Variants in LPAR1 observed in about 807,000 individuals in gnomAD.
LPAR1 encodes the protein lysophosphatidic acid receptor 1, also known as LPA receptor 1.
Under a neutral mutation model 23.8 loss-of-function variants are expected in LPAR1, and 5 were observed. The observed-to-expected ratio is 0.21, with a 90% confidence interval of 0.11 to 0.44. LPAR1 has a LOEUF of 0.44. LPAR1 is among the 20% of genes least tolerant of loss of function. The pLI, the probability that LPAR1 is intolerant of heterozygous loss-of-function variation, is 0.99. For synonymous variants in LPAR1, 160 were observed against 164.7 expected (o/e 0.97, Z 0.22); for missense variants, 311 against 482.8 (o/e 0.64, Z 3.33).
At chr9:110,879,573 T>C (rs1367230092) in intron 5 of LPAR1, among the ~76,000 whole-genome samples, 2 of 152,160 alleles carry the variant, frequency 1.3e-5, no homozygotes, top group Admixed American at 1.3e-4. Flanking sequence ...TTCTCAACCC[T>C]AGCCACACAT....
chr9:110,927,209 T>A (rs1180565867), intron 5 of LPAR1, among the ~76,000 whole-genome samples: 1 of 149,872 alleles, frequency 6.7e-6, no homozygotes, highest in Non-Finnish European at 1.5e-5. Context: ...CTACACTACA[T>A]CACATTTTTT....
At position 110,941,683 on chromosome 9, in the gene LPAR1, A is replaced by G. The variant is rs1041793377; in HGVS notation, c.531T>C (p.Val177=). 5 of 1,614,082 alleles carry G rather than the reference A, an allele frequency of 3.1e-6. No homozygotes were observed. In the African/African-American group the frequency reaches 5.3e-5, roughly 17 times the overall value. ...AGCCCACACTGGGTATAGCACCCAT[A>G]ACGATGGCCATAGTCCAGATGACCA... is the stretch of plus-strand genomic sequence containing the variant. The part of the protein sequence containing the change: ...VIVVIWTMAI[V]MGAIPSVGWN... Residue 177 remains valine, a synonymous_variant, in exon 5 of 6, where the codon GTT becomes GTC. Transcript: ENST00000683809. The surrounding 1 kb of genome is among the most constrained non-coding windows in gnomAD (Gnocchi z 6.1).
chr9:110,888,742 C>T (rs1458937614), intron 5 of LPAR1, among the ~76,000 whole-genome samples: 2 of 152,066 alleles, frequency 1.3e-5, no homozygotes, highest in Non-Finnish European at 2.9e-5. Flanking sequence ...GTAAATCAGA[C>T]AAGAGATAAT....
intron 5 of LPAR1, among the ~76,000 whole-genome samples, chr9:110,884,701 C>T (rs577837552): frequency 1.5e-3 from 227 of 152,314 alleles, no homozygotes; most frequent in African/African-American, 5.4e-3. Context: ...CTTGGCTTTG[C>T]TCATAATTCT....
At chr9:110,892,115 C>A (rs2084384175) in intron 5 of LPAR1, among the ~76,000 whole-genome samples, 1 of 152,168 alleles carries the variant, frequency 6.6e-6, no homozygotes, top group African/African-American at 2.4e-5. Flanking sequence ...TTGTAATAGT[C>A]AGTAACTAGA....
intron 4 of LPAR1, 66 bp downstream of exon 4, chr9:110,972,006 GA>G (rs1554717039): frequency 7.3e-7 from 1 of 1,368,524 alleles, no homozygotes; most frequent in Non-Finnish European, 1.0e-6. Flanking sequence ...TACACTTCCT[GA>G]AACCCAGTTT....
At chr9:110,895,942 C>A (rs2086188013) in intron 5 of LPAR1, among the ~76,000 whole-genome samples, 1 of 152,150 alleles carries the variant, frequency 6.6e-6, no homozygotes, top group African/African-American at 2.4e-5. Flanking sequence ...GCTTCTCATG[C>A]CATTTACCCA....
intron 5 of LPAR1, among the ~76,000 whole-genome samples, chr9:110,885,664 T>C (rs149985273): frequency 1.3e-5 from 2 of 152,316 alleles, no homozygotes; most frequent in East Asian, 1.9e-4. Flanking sequence ...AATCAAACAA[T>C]ACAGTCTAAA....
intron 5 of LPAR1, among the ~76,000 whole-genome samples, chr9:110,915,278 T>C (rs1854055): frequency 0.34 from 51,250 of 152,120 alleles, 9,733 homozygotes; most frequent in Non-Finnish European, 0.43. Context: ...GGCTCATGCC[T>C]GTAATCCCAG....
At chr9:111,000,864 A>G (rs367820229) in intron 2 of LPAR1, among the ~76,000 whole-genome samples, 10 of 152,304 alleles carry the variant, frequency 6.6e-5, no homozygotes, top group African/African-American at 2.2e-4. Context: ...CTCCTACAAA[A>G]TACAGTCTCC....
intron 4 of LPAR1, among the ~76,000 whole-genome samples, chr9:110,965,625 G>C (rs1411453965): frequency 6.6e-6 from 1 of 152,214 alleles, no homozygotes; most frequent in African/African-American, 2.4e-5. Flanking sequence ...GGAAACAACA[G>C]ATGCTGAAGA....
intron 2 of LPAR1, among the ~76,000 whole-genome samples, chr9:111,005,095 G>A (rs1474074712): frequency 2.8e-5 from 4 of 142,020 alleles, no homozygotes; most frequent in Non-Finnish European, 4.5e-5. Flanking sequence ...CCAAGAGGTC[G>A]AAGCTGCAGT....
chr9:111,034,170 A>C (rs1388137147), intron 2 of LPAR1, among the ~76,000 whole-genome samples: 1 of 152,242 alleles, frequency 6.6e-6, no homozygotes, highest in Admixed American at 6.5e-5. Context: ...TGCAGTACCG[A>C]GTGTGCTACT....
chr9:110,919,935 T>C (rs1045729489), intron 5 of LPAR1, among the ~76,000 whole-genome samples: 1 of 152,184 alleles, frequency 6.6e-6, no homozygotes, highest in Non-Finnish European at 1.5e-5. Context: ...TGCACATCTA[T>C]GTACGTAGTT....
intron 4 of LPAR1, among the ~76,000 whole-genome samples, chr9:110,951,249 C>T (rs998542811): frequency 6.6e-6 from 1 of 151,928 alleles, no homozygotes; most frequent in African/African-American, 2.4e-5. Flanking sequence ...TATTTATAAG[C>T]TCTGAAGAGG....
chr9:110,946,581 G>A (rs1031302566), intron 4 of LPAR1, among the ~76,000 whole-genome samples: 1 of 152,106 alleles, frequency 6.6e-6, no homozygotes, highest in Non-Finnish European at 1.5e-5. Flanking sequence ...TCACAGAAAT[G>A]TGAGTATTCA....
At chr9:110,961,056 T>C (rs1449473210) in intron 4 of LPAR1, among the ~76,000 whole-genome samples, 1 of 87,422 alleles carries the variant, frequency 1.1e-5, no homozygotes, top group Admixed American at 1.5e-4. Context: ...TTCTACTACC[T>C]TCCATTATTG....
At chr9:111,035,435 G>GT (rs2097876070) in intron 2 of LPAR1, among the ~76,000 whole-genome samples, 1 of 152,052 alleles carries the variant, frequency 6.6e-6, no homozygotes, top group Non-Finnish European at 1.5e-5. Flanking sequence ...TGTTGCCCAG[G>GT]TTGGTCTCAA....
chr9:111,002,337 T>G lies in LPAR1; in HGVS notation c.-181-28779A>C, dbSNP rs1218178580. Among the ~76,000 whole-genome samples the G allele has an allele frequency of 2.0e-5, 3 of 152,342 alleles. No homozygotes were observed. In the East Asian group the frequency reaches 5.8e-4, roughly 29 times the overall value. ...CACATATTCATCTGTTATACTTTTC[T>G]TGTAAATTTCCCTTCGGAAACCAAT... On this transcript the variant is annotated intron_variant, in intron 2 of 5. Coordinates refer to ENST00000683809, the MANE Select transcript of LPAR1 (RefSeq NM_001351411.2).
Sources: allele counts gnomAD v4.1 joint callset (sites outside exome capture counted in the v4.1 genomes callset), GRCh38; gene constraint gnomAD v4.1.1; non-coding constraint Gnocchi (gnomAD v3.1); transcripts MANE v1.5; gene names NCBI Gene and HGNC (gene_info 2026-07-23, HGNC 2026-07-21).